The following PARD3B variants were observed in gnomAD, a reference collection of about 807,000 sequenced individuals.
PARD3B encodes the protein partitioning defective 3 homolog B.
A neutral mutation model predicts 130.2 loss-of-function variants in PARD3B; 103 were observed. That is an observed-to-expected ratio of 0.79 (90% CI 0.67 to 0.93). PARD3B has a LOEUF of 0.93. Among genes scored for constraint, PARD3B ranks in the 40% least tolerant of loss-of-function variants. PARD3B has a pLI of 0.00. For synonymous variants in PARD3B, 583 were observed against 553.2 expected (o/e 1.05, Z -0.76); for missense variants, 1,609 against 1,499.2 (o/e 1.07, Z -1.21).
In PARD3B at chr2:205,322,889, C is replaced by CTTTTTT. The variant is rs71032461; in HGVS notation, c.2630+21225_2630+21230dup. Among the ~76,000 whole-genome samples the CTTTTTT allele has an allele frequency of 1.7e-3, 85 of 51,468 alleles. 12 individuals are homozygous for CTTTTTT. The highest frequency in any genetic ancestry group is 4.0e-3 in the Admixed American group (12 of 3,034). 33.8% of individuals were successfully genotyped at this position (51,468 alleles called of 152,430 possible). A position where few individuals can be genotyped will look rare whatever the true frequency, so the allele number is the denominator to read the frequency against. On this transcript the variant is annotated intron_variant, in intron 18 of 22. Transcript: ENST00000406610. ...TGTTGTTATATCATTATTAACACCT[C>CTTTTTT]TTTTTTTTTTTTTTTTTTTTTTTTT...
At chr2:204,869,854 G>A (rs1350139119) in intron 2 of PARD3B, among the ~76,000 whole-genome samples, 2 of 152,114 alleles carry the variant, frequency 1.3e-5, no homozygotes, top group Middle Eastern at 3.2e-3. Context: ...TGTGTCTGGT[G>A]TTTTTAATGT....
At chr2:205,211,652 C>G (rs1355765226) in intron 15 of PARD3B, among the ~76,000 whole-genome samples, 1 of 152,046 alleles carries the variant, frequency 6.6e-6, no homozygotes, top group Non-Finnish European at 1.5e-5. Flanking sequence ...CACTTGGTTT[C>G]TAGTGTTCAT....
At chr2:205,542,144 C>CAAAAAAAAAAA (rs71032484) in intron 21 of PARD3B, among the ~76,000 whole-genome samples, 7 of 38,068 alleles carry the variant, frequency 1.8e-4, no homozygotes, top group African/African-American at 5.4e-4. Flanking sequence ...ACTCCGTCTC[C>CAAAAAAAAAAA]AAAAAAAAAA....
chr2:204,577,833 G>T (rs763564102), intron 1 of PARD3B, among the ~76,000 whole-genome samples: 1 of 152,052 alleles, frequency 6.6e-6, no homozygotes, highest in Non-Finnish European at 1.5e-5. Flanking sequence ...CTCCCAAAAT[G>T]CTGGGATTAT....
At position 205,551,141 on chromosome 2, in the gene PARD3B, T is replaced by A. The variant is rs545010243; in HGVS notation, c.3181-2183T>A. 3.3e-5 allele frequency among the ~76,000 whole-genome samples: 5 copies of A among 151,498 alleles called. No individual in the cohort carries two copies. The East Asian group carries it at 9.7e-4, about 29-fold the overall frequency. ...AACTATTAACTTGGAATTTTATAGCTACAAGAAAAAGTTCAGTTGGAATAT... is the reference window on the plus strand; with the variant it reads ...AACTATTAACTTGGAATTTTATAGCAACAAGAAAAAGTTCAGTTGGAATAT... On this transcript the variant is annotated intron_variant, in intron 21 of 22. Coordinates refer to ENST00000406610, the MANE Select transcript of PARD3B (RefSeq NM_001302769.2).
intron 20 of PARD3B, among the ~76,000 whole-genome samples, chr2:205,491,363 G>A (rs1021162368): frequency 4.6e-5 from 7 of 152,134 alleles, no homozygotes; most frequent in Non-Finnish European, 8.8e-5. Flanking sequence ...ATTAAATAGG[G>A]AATTGTTTCC....
At chr2:205,566,357 G>C (rs1168156199) in intron 22 of PARD3B, among the ~76,000 whole-genome samples, 2 of 152,222 alleles carry the variant, frequency 1.3e-5, no homozygotes, top group Admixed American at 6.5e-5. Context: ...TCCAGGGACA[G>C]ATGTTGATAG....
At chr2:205,133,594 G>A (rs758807863) in intron 10 of PARD3B, among the ~76,000 whole-genome samples, 10 of 152,174 alleles carry the variant, frequency 6.6e-5, no homozygotes, top group Non-Finnish European at 1.2e-4. Context: ...TTGCTGACTA[G>A]CTTCAGTGAT....
At chr2:205,532,670 C>T (rs2051654008) in intron 21 of PARD3B, among the ~76,000 whole-genome samples, 1 of 152,142 alleles carries the variant, frequency 6.6e-6, no homozygotes, top group Non-Finnish European at 1.5e-5. Context: ...TCACACCATC[C>T]TGTGATCAGG....
At chr2:205,169,384 A>G (rs930057154) in intron 11 of PARD3B, among the ~76,000 whole-genome samples, 1 of 152,222 alleles carries the variant, frequency 6.6e-6, no homozygotes, top group African/African-American at 2.4e-5. Flanking sequence ...GTCATTCTGC[A>G]TGCTTGAGAT....
Position 204,752,490 on chromosome 2 carries a change from A to G in PARD3B, c.222+66208A>G, listed in dbSNP as rs141487951. On this transcript the variant is annotated intron_variant, in intron 2 of 22. Transcript: ENST00000406610. ...AAAAAATGGTATCTTTATAAACTCG[A>G]ATGTTGCCCCTTGTTAATTTTCTAA... Among the ~76,000 whole-genome samples the G allele has an allele frequency of 2.2e-3, 331 of 152,256 alleles. 2 individuals are homozygous for G. Among genetic ancestry groups the G allele is most frequent in the South Asian group, 0.015 (71 of 4,818 alleles).
intron 2 of PARD3B, among the ~76,000 whole-genome samples, chr2:204,954,109 A>T (rs1575408735): frequency 2.0e-5 from 3 of 152,270 alleles, no homozygotes; most frequent in South Asian, 4.1e-4. Context: ...GATGCTCCCA[A>T]AGTCAGCACC....
rs1491461769 is a variant in PARD3B, at chr2:205,584,860, A to AAAAC, written c.3261-30594_3261-30591dup. 6.6e-6 allele frequency among the ~76,000 whole-genome samples: 1 copy of AAAAC among 152,034 alleles called. No homozygotes were observed. Among genetic ancestry groups the AAAAC allele is most frequent in the Non-Finnish European group, 1.5e-5 (1 of 68,010 alleles). On this transcript the variant is annotated intron_variant, in intron 22 of 22. Transcript: ENST00000406610. This position sits in a 1 kb window ranked among gnomAD's most constrained non-coding sequence, Gnocchi z 5.5. ...GTTCAGCCTGAGCCTTCTTTTTTGG[A>AAAAC]AAACACTTTTTTCCCCTTAGATTGT... is the stretch of plus-strand genomic sequence containing the variant.
intron 2 of PARD3B, among the ~76,000 whole-genome samples, chr2:204,688,233 A>G (rs1009503508): frequency 2.0e-5 from 3 of 152,126 alleles, no homozygotes; most frequent in African/African-American, 7.2e-5. Context: ...AGAGTTTATG[A>G]CAATTTATAC....
intron 21 of PARD3B, among the ~76,000 whole-genome samples, chr2:205,512,390 C>A (rs1023246221): frequency 5.3e-5 from 8 of 152,140 alleles, no homozygotes; most frequent in African/African-American, 1.7e-4. Flanking sequence ...GAAATAGTCT[C>A]TTTTCTACTT....
At chr2:204,996,557 A>T (rs1694199459) in intron 3 of PARD3B, among the ~76,000 whole-genome samples, 1 of 151,576 alleles carries the variant, frequency 6.6e-6, no homozygotes, top group Non-Finnish European at 1.5e-5. Context: ...CTGCCCCCAG[A>T]GGTGGAGCCT....
chr2:205,509,035 A>G (rs992363274), intron 21 of PARD3B, among the ~76,000 whole-genome samples: 1 of 151,542 alleles, frequency 6.6e-6, no homozygotes, highest in Admixed American at 6.6e-5. Flanking sequence ...ATTTGTTGAC[A>G]TATAAGCTAT....
intron 4 of PARD3B, among the ~76,000 whole-genome samples, chr2:205,057,436 T>A (rs1699738795): frequency 1.5e-5 from 2 of 134,586 alleles, no homozygotes; most frequent in Admixed American, 7.7e-5. Flanking sequence ...TGTATATGTG[T>A]TATATACATA....
At chr2:204,767,246 G>A (rs1236219749) in intron 2 of PARD3B, among the ~76,000 whole-genome samples, 16 of 42,632 alleles carry the variant, frequency 3.8e-4, no homozygotes, top group Admixed American at 3.6e-3. Context: ...GAGAATATGC[G>A]GTGTTTGGTT....
Sources: gnomAD v4.1 joint callset for allele counts (sites outside exome capture counted in the v4.1 genomes callset) on GRCh38, gnomAD v4.1.1 for gene constraint, Gnocchi (gnomAD v3.1) non-coding constraint, MANE v1.5 for transcripts, NCBI Gene and HGNC (gene_info 2026-07-23, HGNC 2026-07-21) for gene names.